Variants in SDCCAG8 observed in about 807,000 individuals in gnomAD.
SDCCAG8 encodes the protein SHH signaling and ciliogenesis regulator SDCCAG8.
SDCCAG8 carries 74 observed loss-of-function variants against 101.8 expected under a neutral mutation model. The ratio of observed to expected loss-of-function variants is 0.73; its 90% CI spans 0.60 to 0.88. The LOEUF is 0.88. Ranked by LOEUF, SDCCAG8 falls within the 40% of genes least tolerant of loss-of-function variation. SDCCAG8 has a pLI of 0.00. For missense variants in SDCCAG8, 787 were observed against 822.6 expected (o/e 0.96, Z 0.53); for synonymous variants, 281 against 292.9 (o/e 0.96, Z 0.41).
In SDCCAG8 at chr1:243,256,092, G is replaced by C. The variant is rs370997991; in HGVS notation, c.-82G>C. The C allele has an allele frequency of 7.3e-6, 10 of 1,371,918 alleles. No individual in the cohort carries two copies. The highest frequency in any genetic ancestry group is 1.2e-5 in the South Asian group (1 of 86,178). The allele number at this position is 1,371,918 out of a possible 1,614,324, so 85.0% of individuals were successfully genotyped here. On this transcript the variant is annotated 5_prime_UTR_variant, in exon 1 of 18. Transcript: ENST00000366541. ...GGCAGGAAGCAGGCGGGCGCTCCCC[G>C]GCCACAGGCCTGTTGTTCTCGGAAG...
At chr1:243,455,746 G>A (rs2083694105) in intron 16 of SDCCAG8, among the ~76,000 whole-genome samples, 1 of 152,162 alleles carries the variant, frequency 6.6e-6, no homozygotes. Context: ...TTACAAAATG[G>A]ATTAGTTAAG....
intron 10 of SDCCAG8, among the ~76,000 whole-genome samples, chr1:243,336,500 G>A (rs6702491): frequency 0.013 from 1,907 of 152,294 alleles, 30 homozygotes; most frequent in African/African-American, 0.041. Flanking sequence ...GAGGCCTCAG[G>A]AAACTTTCAG....
In SDCCAG8 at chr1:243,390,289, G is replaced by A. The variant is rs1210950652; in HGVS notation, c.1616+11426G>A. Among the ~76,000 whole-genome samples, 4 of 152,116 alleles carry A rather than the reference G, an allele frequency of 2.6e-5. No homozygotes were observed. In the East Asian group the frequency reaches 7.7e-4, roughly 29 times the overall value. On this transcript the variant is annotated intron_variant, in intron 13 of 17. Coordinates refer to ENST00000366541, the MANE Select transcript of SDCCAG8 (RefSeq NM_006642.5). ...AAAATAATTTTAAATGGATATATGT[G>A]CAACCAACATCTTCAAGGCTTGAAA... is the stretch of plus-strand genomic sequence containing the variant.
intron 13 of SDCCAG8, among the ~76,000 whole-genome samples, chr1:243,394,524 A>G (rs960229421): frequency 6.6e-6 from 1 of 152,214 alleles, no homozygotes; most frequent in African/African-American, 2.4e-5. Flanking sequence ...GGAAAAATGA[A>G]TATCCTCTGT....
chr1:243,267,703 G>T, intron 1 of SDCCAG8: 5 of 792,162 alleles, frequency 6.3e-6, no homozygotes, highest in Non-Finnish European at 1.2e-5. Context: ...CATGTGCATA[G>T]GTTCCTGTGT....
intron 16 of SDCCAG8, among the ~76,000 whole-genome samples, chr1:243,452,791 A>G (rs568747951): frequency 6.6e-6 from 1 of 152,220 alleles, no homozygotes; most frequent in East Asian, 1.9e-4. Context: ...TTTATATAAA[A>G]CTTAATGTTT....
At chr1:243,403,613 A>G (rs1204414401) in intron 13 of SDCCAG8, among the ~76,000 whole-genome samples, 2 of 151,876 alleles carry the variant, frequency 1.3e-5, no homozygotes, top group Non-Finnish European at 2.9e-5. Flanking sequence ...GGGTCACCTG[A>G]CCTCCATCTC....
chr1:243,292,215 T>C (rs1182185484), intron 5 of SDCCAG8, among the ~76,000 whole-genome samples: 1 of 152,214 alleles, frequency 6.6e-6, no homozygotes, highest in East Asian at 1.9e-4. Context: ...AATCAATGGC[T>C]GTTGGCGATT....
At chr1:243,470,580 C>T (rs770485642) in intron 16 of SDCCAG8, among the ~76,000 whole-genome samples, 10 of 151,418 alleles carry the variant, frequency 6.6e-5, no homozygotes, top group Non-Finnish European at 1.3e-4. Context: ...AGGATTTCAA[C>T]GGTGTCAACA....
chr1:243,460,078 T>G (rs1397174562), intron 16 of SDCCAG8, among the ~76,000 whole-genome samples: 16 of 152,222 alleles, frequency 1.1e-4, no homozygotes, highest in Non-Finnish European at 2.4e-4. Flanking sequence ...TTCTCCCTTC[T>G]GTTACCATGG....
rs561909785 is a variant in SDCCAG8 at position 243,468,402 on chromosome 1, G to A, written c.1986-20612G>A. ...CTGGCTAATTTTTGTATTTTTAGTA[G>A]AGATGGGGTTTCACCATATTGGTCA... On this transcript the variant is annotated intron_variant, in intron 16 of 17. Transcript: ENST00000366541. Among the ~76,000 whole-genome samples the A allele has an allele frequency of 5.9e-4, 90 of 152,192 alleles. 1 individual carries two copies. Among genetic ancestry groups the A allele is most frequent in the African/African-American group, 2.1e-3 (88 of 41,536 alleles).
intron 1 of SDCCAG8, 72 bp from the exon 2 acceptor site, chr1:243,270,033 C>A: frequency 1.9e-6 from 3 of 1,606,822 alleles, no homozygotes; most frequent in Non-Finnish European, 2.6e-6. Flanking sequence ...TTAAAAACTG[C>A]CTTCCTGAGT....
At chr1:243,491,318 T>G (rs922774613) in intron 17 of SDCCAG8, among the ~76,000 whole-genome samples, 5 of 152,224 alleles carry the variant, frequency 3.3e-5, no homozygotes, top group Non-Finnish European at 7.3e-5. Flanking sequence ...TAGCAGGTCT[T>G]TCTTTCTTCT....
chr1:243,399,328 A>T (rs1573816387), intron 13 of SDCCAG8, among the ~76,000 whole-genome samples: 1 of 152,026 alleles, frequency 6.6e-6, no homozygotes, highest in Non-Finnish European at 1.5e-5. Context: ...TGTCTGAGAA[A>T]CCCCATTAAA....
intron 16 of SDCCAG8, among the ~76,000 whole-genome samples, chr1:243,483,361 G>A (rs1664155982): frequency 6.6e-6 from 1 of 152,154 alleles, no homozygotes; most frequent in South Asian, 2.1e-4. Context: ...CCTCTACGTG[G>A]GGGATCCTGG....
At chr1:243,465,098 G>C (rs1659870237) in intron 16 of SDCCAG8, among the ~76,000 whole-genome samples, 1 of 152,156 alleles carries the variant, frequency 6.6e-6, no homozygotes, top group South Asian at 2.1e-4. Context: ...TTTTACTAAA[G>C]TGTGACAGTT....
chr1:243,327,043 G>A (rs2149344473), intron 9 of SDCCAG8, among the ~76,000 whole-genome samples: 1 of 152,128 alleles, frequency 6.6e-6, no homozygotes, highest in South Asian at 2.1e-4. Context: ...GTACCTTCAG[G>A]AATGAGTCTG....
At chr1:243,485,043 C>CAAAA (rs59102358) in intron 16 of SDCCAG8, among the ~76,000 whole-genome samples, 2 of 99,724 alleles carry the variant, frequency 2.0e-5, no homozygotes, top group East Asian at 3.1e-4. Flanking sequence ...GACTCCATCT[C>CAAAA]AAAAAAAAAA....
At chr1:243,353,423 G>T (rs1384792685) in intron 12 of SDCCAG8, among the ~76,000 whole-genome samples, 2 of 141,658 alleles carry the variant, frequency 1.4e-5, no homozygotes, top group Non-Finnish European at 3.0e-5. Flanking sequence ...CCCAGGAAGC[G>T]GAGGTTGCAG....
Sources: allele counts gnomAD v4.1 joint callset (sites outside exome capture counted in the v4.1 genomes callset), GRCh38; gene constraint gnomAD v4.1.1; transcripts MANE v1.5; gene names NCBI Gene and HGNC (gene_info 2026-07-23, HGNC 2026-07-21).